Variants in USP39 observed in about 807,000 individuals in gnomAD.
USP39 encodes the protein ubiquitin specific peptidase 39.
Under a neutral mutation model 66.4 loss-of-function variants are expected in USP39, and 38 were observed. The ratio of observed to expected loss-of-function variants is 0.57; its 90% confidence interval spans 0.44 to 0.75. The LOEUF (loss-of-function observed/expected upper bound fraction) is 0.75, where lower values mean the gene tolerates loss of function less well. Ranked by LOEUF, USP39 falls within the 30% of genes least tolerant of loss-of-function variation. USP39 has a pLI of 0.00. For missense variants in USP39, 608 were observed against 714.4 expected (o/e 0.85, Z 1.70); for synonymous variants, 303 against 274.6 (o/e 1.10, Z -1.02).
intron 1 of USP39, among the ~76,000 whole-genome samples, chr2:85,617,583 C>T (rs1674089111): frequency 6.6e-6 from 1 of 152,068 alleles, no homozygotes; most frequent in Admixed American, 6.6e-5. Context: ...CACCTGTAAT[C>T]GCAGCTACTC....
intron 1 of USP39, among the ~76,000 whole-genome samples, chr2:85,618,344 G>A (rs368672809): frequency 5.3e-5 from 8 of 151,652 alleles, no homozygotes; most frequent in African/African-American, 1.7e-4. Context: ...AGGGTGGATC[G>A]CAAGGTCAGG....
intron 1 of USP39, among the ~76,000 whole-genome samples, chr2:85,603,458 G>A (rs1673081362): frequency 1.3e-5 from 2 of 152,202 alleles, no homozygotes; most frequent in Admixed American, 1.3e-4. Flanking sequence ...AAGCAAAGAG[G>A]GGAAGGTGAG....
chr2:85,606,930 C>T (rs1673234214), intron 1 of USP39: 2 of 151,738 alleles, frequency 1.3e-5, no homozygotes, highest in African/African-American at 4.8e-5. Context: ...GGACTACAGG[C>T]ACATGTCACC....
chr2:85,630,856 C>T lies in USP39; in HGVS notation c.859C>T (p.Pro287Ser). 1 of 1,614,110 alleles carries T rather than the reference C, an allele frequency of 6.2e-7. No individual in the cohort carries two copies. The highest frequency in any genetic ancestry group is 8.5e-7 in the Non-Finnish European group (1 of 1,180,032). Reference sequence around the variant, plus strand: ...AGAGCTGATGAGAAAGCTCTGGAACCCTCGAAATTTCAAGGCACATGTGTC... The same window carrying T: ...AGAGCTGATGAGAAAGCTCTGGAACTCTCGAAATTTCAAGGCACATGTGTC... ...FGELMRKLWN[P>S]RNFKAHVSPH... The change falls in exon 6 of 13, where the codon CCT (proline) becomes TCT (serine). Residue 287 changes from proline to serine, a missense_variant. This residue lies in a region of USP39 where 17 missense variants were observed against 38.0 expected (regional missense o/e 0.45). Coordinates refer to ENST00000323701, the MANE Select transcript of USP39 (RefSeq NM_006590.4).
At chr2:85,612,366 G>C (rs1197265165), upstream of USP39, 1 of 1,535,996 alleles carries the variant, frequency 6.5e-7, no homozygotes, top group Admixed American at 2.0e-5. Context: ...TCTGGTAATA[G>C]GATGCTGTGC....
intron 1 of USP39, among the ~76,000 whole-genome samples, chr2:85,617,746 G>A (rs527816008): frequency 1.3e-5 from 2 of 152,258 alleles, no homozygotes; most frequent in African/African-American, 4.8e-5. Context: ...TGCCTTGTGG[G>A]AATTCACTTG....
intron 1 of USP39, among the ~76,000 whole-genome samples, chr2:85,618,540 G>A (rs1445808677): frequency 2.2e-4 from 33 of 149,278 alleles, no homozygotes; most frequent in Non-Finnish European, 8.9e-5. Context: ...CCAGCCTGGG[G>A]GACAGAGCGA....
chr2:85,618,846 T>C (rs1226701788), intron 1 of USP39, among the ~76,000 whole-genome samples: 4 of 152,046 alleles, frequency 2.6e-5, no homozygotes, highest in Admixed American at 1.3e-4. Context: ...CTCTGCTCAC[T>C]GCAACCGCCT....
intron 6 of USP39, among the ~76,000 whole-genome samples, chr2:85,632,070 C>G (rs767157966): frequency 2.6e-5 from 4 of 152,078 alleles, no homozygotes; most frequent in African/African-American, 4.8e-5. Context: ...CTGTTTTTTT[C>G]TCTCCAAACC....
chr2:85,624,082 A>C (rs1162411569), intron 4 of USP39, among the ~76,000 whole-genome samples: 1 of 152,086 alleles, frequency 6.6e-6, no homozygotes, highest in African/African-American at 2.4e-5. Context: ...CTACACTGTG[A>C]AGTAGGGATA....
chr2:85,620,064 G>A (rs1674339535), intron 2 of USP39, among the ~76,000 whole-genome samples: 1 of 151,520 alleles, frequency 6.6e-6, no homozygotes, highest in South Asian at 2.1e-4. Context: ...CATCATGTTG[G>A]CCAGGCTGAC....
chr2:85,602,923 T>C lies in USP39; in HGVS notation n.68T>C, dbSNP rs1034620394. On this transcript the variant is annotated non_coding_transcript_exon_variant, in exon 1 of 13. Coordinates refer to the USP39 transcript ENST00000459775. The surrounding 1 kb of genome is among the most constrained non-coding windows in gnomAD (Gnocchi z 5.6). ...AAGACCGCTCTAAAACCGAGATGAC[T>C]AGAGGTTCCGTTTAACCGATTCCTG... is the stretch of plus-strand genomic sequence containing the variant. 6.6e-6 allele frequency: 1 copy of C among 152,150 alleles called. No homozygotes were observed. The highest frequency in any genetic ancestry group is 1.5e-5 in the Non-Finnish European group (1 of 68,046). 9.4% of individuals were successfully genotyped at this position (152,150 alleles called of 1,614,324 possible).
At chr2:85,618,955 A>G (rs1371402266) in intron 1 of USP39, among the ~76,000 whole-genome samples, 2 of 151,982 alleles carry the variant, frequency 1.3e-5, no homozygotes, top group African/African-American at 4.8e-5. Context: ...TTTTTTGTAG[A>G]GACGGGGTTT....
chr2:85,628,444 C>T (rs1235004044), intron 5 of USP39, among the ~76,000 whole-genome samples: 1 of 152,220 alleles, frequency 6.6e-6, no homozygotes, highest in Non-Finnish European at 1.5e-5. Flanking sequence ...CGCGCCCTGC[C>T]GAGTGAAAAC....
chr2:85,634,001 C>T (rs1389306223), intron 6 of USP39, among the ~76,000 whole-genome samples: 1 of 150,440 alleles, frequency 6.6e-6, no homozygotes, highest in Admixed American at 6.6e-5. Context: ...CTACGCCCGG[C>T]TAATTTTTTG....
chr2:85,639,224 T>C lies in USP39; in HGVS notation c.1117T>C (p.Leu373=). 6.2e-7 allele frequency: 1 copy of C among 1,612,752 alleles called. No homozygotes were observed. Among genetic ancestry groups the C allele is most frequent in the Non-Finnish European group, 8.5e-7 (1 of 1,179,490 alleles). Residue 373 remains leucine (L), a synonymous_variant, in exon 9 of 13, where the codon TTG becomes CTG. Transcript: ENST00000323701. The stretch of plus-strand genomic sequence containing the variant: ...CTAGCCAGCAGAAGAAAAAGAGCAG[T>C]TGCTCCATAATGACGAGTACCAGGA... ...PDLPAEEKEQ[L]LHNDEYQETM...
intron 9 of USP39, 29 bp downstream of exon 9, chr2:85,639,420 A>G (rs1169318567): frequency 5.1e-6 from 8 of 1,561,216 alleles, no homozygotes; most frequent in African/African-American, 1.4e-5. Flanking sequence ...TGCCCTGCCT[A>G]TACTTACCCT....
At chr2:85,629,449 G>A (rs917035609) in intron 5 of USP39, among the ~76,000 whole-genome samples, 1 of 151,594 alleles carries the variant, frequency 6.6e-6, no homozygotes, top group Non-Finnish European at 1.5e-5. Context: ...TGCTTAATGA[G>A]ATACAATTTG....
intron 9 of USP39, 42 bp downstream of exon 9, chr2:85,639,433 C>G (rs1357362587): frequency 6.6e-7 from 1 of 1,504,380 alleles, no homozygotes; most frequent in South Asian, 1.3e-5. Context: ...CTTACCCTCG[C>G]TCTCTCGACT....
Sources: gnomAD v4.1 joint callset for allele counts (sites outside exome capture counted in the v4.1 genomes callset) on GRCh38, gnomAD v4.1.1 for gene constraint, gnomAD v4.1.1 regional missense constraint, Gnocchi (gnomAD v3.1) non-coding constraint, MANE v1.5 for transcripts, NCBI Gene and HGNC (gene_info 2026-07-23, HGNC 2026-07-21) for gene names.